CMIP: variants seen among roughly 807,000 people sequenced by gnomAD.
The protein encoded by CMIP is c-Maf inducing protein, also known as C-Maf-inducing protein.
Under a neutral mutation model 97.3 loss-of-function variants are expected in CMIP, and 13 were observed. The observed-to-expected ratio is 0.13, with a 90% CI of 0.09 to 0.21. The LOEUF is 0.21. Among genes scored for constraint, CMIP ranks in the 10% least tolerant of loss-of-function variants. CMIP has a pLI of 1.00. For missense variants in CMIP, 847 were observed against 1,024.9 expected, an observed-to-expected ratio of 0.83 and a Z score of 2.37; for synonymous variants, 538 against 436.3, an observed-to-expected ratio of 1.23 and a Z score of -2.91.
At chr16:81,645,665 G>A (rs1296288586) in intron 3 of CMIP, 63 of 1,514,258 alleles carry the variant, frequency 4.2e-5, no homozygotes, top group East Asian at 7.4e-5. Flanking sequence ...TCTGCCAGAC[G>A]GGAAGCAGGA....
intron 17 of CMIP, among the ~76,000 whole-genome samples, chr16:81,703,151 C>G (rs1907609828): frequency 6.6e-6 from 1 of 152,136 alleles, no homozygotes; most frequent in African/African-American, 2.4e-5. Context: ...CCTCTTGTCT[C>G]CATTCCAGCC....
At chr16:81,566,479 C>G (rs907209455) in intron 1 of CMIP, among the ~76,000 whole-genome samples, 1 of 152,308 alleles carries the variant, frequency 6.6e-6, no homozygotes, top group East Asian at 1.9e-4. Context: ...TGGAGCCACG[C>G]ACAACTGGAT....
intron 3 of CMIP, among the ~76,000 whole-genome samples, chr16:81,629,711 C>T (rs1406109776): frequency 1.3e-5 from 2 of 152,352 alleles, no homozygotes; most frequent in African/African-American, 2.4e-5. Flanking sequence ...CTGTGAGCCT[C>T]GCCAAGGCAT....
At chr16:81,533,983 A>C (rs989557754) in intron 1 of CMIP, 1 of 152,126 alleles carries the variant, frequency 6.6e-6, no homozygotes, top group Non-Finnish European at 1.5e-5. Flanking sequence ...AGAGATGAGC[A>C]TTTTCTTCTC....
intron 1 of CMIP, among the ~76,000 whole-genome samples, chr16:81,495,776 T>A (rs2089478738): frequency 6.6e-6 from 1 of 152,244 alleles, no homozygotes; most frequent in South Asian, 2.1e-4. Flanking sequence ...TGGTCAGCCA[T>A]GGCCACTCAC....
At chr16:81,533,618 A>G (rs533760255) in intron 1 of CMIP, among the ~76,000 whole-genome samples, 52 of 152,204 alleles carry the variant, frequency 3.4e-4, no homozygotes, top group African/African-American at 1.1e-3. Flanking sequence ...AGCTGGGACT[A>G]TATGCACGTG....
chr16:81,517,166 C>T (rs1023786360), intron 1 of CMIP, among the ~76,000 whole-genome samples: 15 of 149,806 alleles, frequency 1.0e-4, no homozygotes, highest in South Asian at 6.3e-4. Context: ...GAAACCCAGA[C>T]GGCCTCCAAG....
At chr16:81,596,879 G>C (rs2091566251) in intron 1 of CMIP, among the ~76,000 whole-genome samples, 1 of 152,224 alleles carries the variant, frequency 6.6e-6, no homozygotes, top group South Asian at 2.1e-4. Context: ...TCTGAAGTTT[G>C]TATGGGTGGA....
chr16:81,648,418 T>A (rs960765438), intron 3 of CMIP, among the ~76,000 whole-genome samples: 2 of 152,092 alleles, frequency 1.3e-5, no homozygotes, highest in African/African-American at 4.8e-5. Flanking sequence ...CATGAACACC[T>A]GTGACCCTGC....
At chr16:81,666,038 AC>A (rs951696432) in intron 7 of CMIP, 1 of 152,184 alleles carries the variant, frequency 6.6e-6, no homozygotes, top group Admixed American at 6.5e-5. Context: ...GGATAGGGAC[AC>A]CCTGTGCAGT....
chr16:81,511,675 C>G (rs2089812973), intron 1 of CMIP, among the ~76,000 whole-genome samples: 1 of 147,130 alleles, frequency 6.8e-6, no homozygotes, highest in Non-Finnish European at 1.6e-5. Flanking sequence ...ATCCTCCCAC[C>G]TCAGCCTTCC....
chr16:81,525,355 C>G (rs886880359), intron 1 of CMIP, among the ~76,000 whole-genome samples: 14 of 152,040 alleles, frequency 9.2e-5, no homozygotes, highest in Admixed American at 6.6e-4. Flanking sequence ...GTTGGCCAGG[C>G]TGGTCTTAAA....
At position 81,696,561 on chromosome 16, in the gene CMIP, T is replaced by G. The variant is rs1265694187; in HGVS notation, c.1532T>G (p.Val511Gly). ...CTTGTGTCTTCCCTTGTCTGGCAGG[T>G]CCACTCATGCCTGCTGAGCGTGCGG... is the stretch of plus-strand genomic sequence containing the variant. ...QRFAEDPRQE[V>G]HSCLLSVRAG... The change falls in exon 14 of 21, where the codon GTC (valine) becomes GGC (glycine). Residue 511 changes from valine to glycine, a missense_variant and splice_region_variant. Physicochemically the swap from Val to Gly is moderately radical, Grantham distance 109. Coordinates refer to ENST00000537098, the MANE Select transcript of CMIP (RefSeq NM_198390.3). 4 of 1,603,530 alleles carry G rather than the reference T, an allele frequency of 2.5e-6. No individual in the cohort carries two copies. In the East Asian group the frequency reaches 8.9e-5, roughly 36 times the overall value.
At chr16:81,632,292 G>A (rs535668063) in intron 3 of CMIP, among the ~76,000 whole-genome samples, 98 of 152,252 alleles carry the variant, frequency 6.4e-4, no homozygotes, top group Non-Finnish European at 1.2e-3. Context: ...TGAAAAGTTG[G>A]CCTCTACTCC....
intron 3 of CMIP, among the ~76,000 whole-genome samples, chr16:81,633,229 G>C (rs907866331): frequency 3.3e-5 from 5 of 152,262 alleles, no homozygotes; most frequent in African/African-American, 1.2e-4. Context: ...GGCGTCTGCA[G>C]TGTGTCTCTT....
intron 1 of CMIP, among the ~76,000 whole-genome samples, chr16:81,457,940 C>T (rs1456579009): frequency 1.3e-5 from 2 of 152,192 alleles, no homozygotes; most frequent in South Asian, 4.1e-4. Flanking sequence ...TGATCCCTCC[C>T]GACTGACCTC....
At chr16:81,683,150 C>T (rs890673883) in intron 10 of CMIP, among the ~76,000 whole-genome samples, 9 of 152,218 alleles carry the variant, frequency 5.9e-5, no homozygotes, top group Admixed American at 5.9e-4. Context: ...CCCTCTGAAC[C>T]TGAGTATTGC....
chr16:81,558,685 T>C (rs934975644), intron 1 of CMIP, among the ~76,000 whole-genome samples: 70 of 152,302 alleles, frequency 4.6e-4, no homozygotes, highest in African/African-American at 1.5e-3. Context: ...AAAGTTGTCC[T>C]GAGCACATCT....
At chr16:81,649,253 G>C (rs1421667980) in intron 3 of CMIP, among the ~76,000 whole-genome samples, 1 of 152,250 alleles carries the variant, frequency 6.6e-6, no homozygotes, top group African/African-American at 2.4e-5. Flanking sequence ...ACTCTCCCAT[G>C]GATGCCTGTG....
Sources: gnomAD v4.1 joint callset for allele counts (sites outside exome capture counted in the v4.1 genomes callset) on GRCh38, gnomAD v4.1.1 for gene constraint, MANE v1.5 for transcripts, NCBI Gene and HGNC (gene_info 2026-07-23, HGNC 2026-07-21) for gene names.